The following AOX1 variants were observed in gnomAD, a reference collection of about 807,000 sequenced individuals.
The protein encoded by AOX1 is aldehyde oxidase.
AOX1 carries 153 observed loss-of-function variants against 169.5 expected under a neutral mutation model. The observed-to-expected ratio is 0.90, with a 90% CI of 0.79 to 1.03. The LOEUF is 1.03. AOX1 is among the 50% of genes least tolerant of loss of function. The pLI, the probability that AOX1 is intolerant of heterozygous loss-of-function variation, is 0.00. For synonymous variants in AOX1, 562 were observed against 581.9 expected (o/e 0.97, Z 0.49); for missense variants, 1,656 against 1,663.9 (o/e 1.00, Z 0.08).
chr2:200,599,603 C>T lies in AOX1; in HGVS notation c.310-17C>T. 6.9e-6 allele frequency: 11 copies of T among 1,591,718 alleles called. No individual in the cohort carries two copies. The highest frequency in any genetic ancestry group is 9.4e-6 in the Non-Finnish European group (11 of 1,169,228). ...GGGGCCCCAAATTCTGCATTTCTAACCTTTCTGTGCTTCCAGGAGAGGATT... is the reference window on the plus strand; with the variant it reads ...GGGGCCCCAAATTCTGCATTTCTAATCTTTCTGTGCTTCCAGGAGAGGATT... On this transcript the variant is annotated splice_polypyrimidine_tract_variant and intron_variant, in intron 4 of 34. Transcript: ENST00000374700.
intron 12 of AOX1, 97 bp from the exon 13 acceptor site, chr2:200,611,287 G>T: frequency 1.2e-6 from 1 of 814,336 alleles, no homozygotes; most frequent in Non-Finnish European, 2.1e-6. Context: ...CTGAACAACC[G>T]GTTTCCTCAG....
chr2:200,650,930 T>C (rs979771174), intron 25 of AOX1, 44 bp from the exon 26 acceptor site: 6 of 1,565,542 alleles, frequency 3.8e-6, no homozygotes, highest in Non-Finnish European at 5.3e-6. Context: ...AGCCTATGTC[T>C]GCTGGGTTTC....
downstream of AOX1, chr2:200,681,520 A>G (rs777528934): frequency 5.2e-5 from 8 of 152,690 alleles, no homozygotes; most frequent in Non-Finnish European, 1.0e-4. Flanking sequence ...ACTGTAGAAG[A>G]GTATTGTCCT....
At chr2:200,623,768 T>C in intron 18 of AOX1, 93 bp from the exon 19 acceptor site, 3 of 1,576,216 alleles carry the variant, frequency 1.9e-6, no homozygotes, top group Non-Finnish European at 2.6e-6. Context: ...CTAGCCCTAC[T>C]GTAATCGAGT....
intron 31 of AOX1, among the ~76,000 whole-genome samples, chr2:200,663,591 C>CTG (rs1304037078): frequency 3.6e-5 from 5 of 139,468 alleles, no homozygotes; most frequent in Non-Finnish European, 7.8e-5. Flanking sequence ...CTCTCTCTCT[C>CTG]TCTCTCCCCC....
chr2:200,593,123 C>T, intron 1 of AOX1, 23 bp from the exon 2 acceptor site: 1 of 1,594,106 alleles, frequency 6.3e-7, no homozygotes, highest in Admixed American at 1.7e-5. Context: ...TCTCAACTAA[C>T]TCTTATTTTC....
At chr2:200,627,492 AG>A in intron 20 of AOX1, 43 bp downstream of exon 20, 1 of 1,408,950 alleles carries the variant, frequency 7.1e-7, no homozygotes, top group Non-Finnish European at 1.0e-6. Context: ...AAGTCTTCTA[AG>A]CATGTCAGTT....
chr2:200,600,328 G>A (rs1267174847), intron 5 of AOX1, among the ~76,000 whole-genome samples: 1 of 152,112 alleles, frequency 6.6e-6, no homozygotes, highest in East Asian at 1.9e-4. Context: ...GTGCTTTCAG[G>A]ACCATATTCA....
At chr2:200,655,720 T>C (rs181578748) in intron 26 of AOX1, among the ~76,000 whole-genome samples, 1 of 152,146 alleles carries the variant, frequency 6.6e-6, no homozygotes, top group East Asian at 1.9e-4. Context: ...TTCACGGGGG[T>C]AATGTGAACC....
chr2:200,677,173 T>C, downstream of AOX1: 1 of 314,604 alleles, frequency 3.2e-6, no homozygotes, highest in South Asian at 2.5e-5. Flanking sequence ...CCTATAACAA[T>C]CTGTATCTGT....
In AOX1 at chr2:200,635,638, C is replaced by T. The variant is rs150108658; in HGVS notation, c.2346+723C>T. ...CAAATGACACCCATTCATTTATTTT[C>T]TCACCTCTTCTGCAAACATTTGTTG... On this transcript the variant is annotated intron_variant, in intron 21 of 34. Coordinates refer to ENST00000374700, the MANE Select transcript of AOX1 (RefSeq NM_001159.4). Among the ~76,000 whole-genome samples, 3 of 152,280 alleles carry T rather than the reference C, an allele frequency of 2.0e-5. No individual in the cohort carries two copies. In the East Asian group the frequency reaches 5.8e-4, roughly 29 times the overall value.
chr2:200,660,764 A>T (rs1253748206), intron 29 of AOX1, among the ~76,000 whole-genome samples: 4 of 152,218 alleles, frequency 2.6e-5, no homozygotes, highest in African/African-American at 9.6e-5. Flanking sequence ...ACATTTGAGG[A>T]TCCCACTTAG....
intron 26 of AOX1, among the ~76,000 whole-genome samples, chr2:200,655,259 T>C: frequency 6.6e-6 from 1 of 152,234 alleles, no homozygotes; most frequent in South Asian, 2.1e-4. Context: ...GGGCTCATAT[T>C]CTAGCAAAGC....
chr2:200,674,130 G>A (rs576135879), downstream of AOX1, among the ~76,000 whole-genome samples: 3 of 152,372 alleles, frequency 2.0e-5, no homozygotes, highest in Middle Eastern at 3.4e-3. Flanking sequence ...GTGCTTCAGC[G>A]TCTCTCCCTC....
At chr2:200,681,387 C>T (rs1378380482), downstream of AOX1, 2 of 152,684 alleles carry the variant, frequency 1.3e-5, no homozygotes, top group African/African-American at 4.8e-5. Context: ...AGCCCACAGC[C>T]CCCAGTGTGG....
chr2:200,670,206 A>T (rs2036000760), intron 34 of AOX1, among the ~76,000 whole-genome samples: 1 of 152,122 alleles, frequency 6.6e-6, no homozygotes, highest in Non-Finnish European at 1.5e-5. Context: ...CCGAGCAGAC[A>T]TCTCTACCCT....
At chr2:200,676,857 C>T (rs2036107435) in intron 4 of AOX1, 1 of 464,418 alleles carries the variant, frequency 2.2e-6, no homozygotes, top group Non-Finnish European at 4.4e-6. Flanking sequence ...GCTGCTTCAT[C>T]CACTATTCAT....
At chr2:200,634,739 T>C in intron 20 of AOX1, 52 bp from the exon 21 acceptor site, 1 of 1,608,744 alleles carries the variant, frequency 6.2e-7, no homozygotes, top group South Asian at 1.1e-5. Context: ...TGGGGGACGC[T>C]ACCTGTTGCT....
chr2:200,620,682 A>G lies in AOX1; in HGVS notation c.1737A>G (p.Pro579=). The change falls in exon 17 of 35, where the codon CCA becomes CCG. Residue 579 remains proline, a synonymous_variant. Coordinates refer to ENST00000374700, the MANE Select transcript of AOX1 (RefSeq NM_001159.4). ...NIGPKQHPED[P]IGHPIMHLSG... is the part of the protein sequence containing the mutation. ...GCCCAAAGCAGCATCCTGAAGACCC[A>G]ATTGGCCACCCCATCATGCATCTGT... is the stretch of plus-strand genomic sequence containing the variant. 1 of 1,567,034 alleles carries G rather than the reference A, an allele frequency of 6.4e-7. No homozygotes were observed. Among genetic ancestry groups the G allele is most frequent in the East Asian group, 2.3e-5 (1 of 42,824 alleles).
Sources: allele counts gnomAD v4.1 joint callset (sites outside exome capture counted in the v4.1 genomes callset), GRCh38; gene constraint gnomAD v4.1.1; transcripts MANE v1.5; gene names NCBI Gene and HGNC (gene_info 2026-07-23, HGNC 2026-07-21).